Variants in EXOC2 observed in about 807,000 individuals in gnomAD.
EXOC2 encodes SEC5-like 1.
In EXOC2, 70 loss-of-function variants were observed where a neutral mutation model predicts 131.8. That is an observed-to-expected ratio of 0.53 (90% CI 0.44 to 0.65). The LOEUF is 0.65. EXOC2 is among the 30% of genes least tolerant of loss of function. The pLI, the probability that EXOC2 is intolerant of heterozygous loss-of-function variation, is 0.00. For synonymous variants in EXOC2, 411 were observed against 398.4 expected (o/e 1.03, Z -0.38); for missense variants, 923 against 1,108.6 (o/e 0.83, Z 2.38).
intron 23 of EXOC2, among the ~76,000 whole-genome samples, chr6:502,604 C>T (rs913289620): frequency 6.6e-6 from 1 of 151,866 alleles, no homozygotes; most frequent in Non-Finnish European, 1.5e-5. Flanking sequence ...GAAGACAAAG[C>T]TATGAATGGG....
At chr6:560,979 A>G (rs1481379581) in intron 17 of EXOC2, among the ~76,000 whole-genome samples, 1 of 152,166 alleles carries the variant, frequency 6.6e-6, no homozygotes, top group Non-Finnish European at 1.5e-5. Flanking sequence ...AAGTGCTGGG[A>G]TTACAGGCAT....
At chr6:612,858 C>T (rs1760784990) in intron 6 of EXOC2, among the ~76,000 whole-genome samples, 1 of 152,170 alleles carries the variant, frequency 6.6e-6, no homozygotes, top group Non-Finnish European at 1.5e-5. Flanking sequence ...ACAGTTTTGA[C>T]CCACAGTTGT....
chr6:507,320 AAG>A (rs1280791563), intron 23 of EXOC2, among the ~76,000 whole-genome samples: 1 of 60,352 alleles, frequency 1.7e-5, no homozygotes, highest in African/African-American at 5.9e-5. Flanking sequence ...CACACACACA[AAG>A]AAGTGACCCC....
At chr6:621,499 T>C (rs565194455) in intron 4 of EXOC2, among the ~76,000 whole-genome samples, 2 of 152,330 alleles carry the variant, frequency 1.3e-5, no homozygotes, top group South Asian at 2.1e-4. Context: ...TGCGTGAGCA[T>C]CTCAGCCAGG....
intron 19 of EXOC2, among the ~76,000 whole-genome samples, chr6:555,690 C>T (rs1490930469): frequency 2.6e-5 from 4 of 151,888 alleles, no homozygotes; most frequent in South Asian, 2.1e-4. Context: ...ACGTTGTGCT[C>T]GAACAGAATA....
chr6:557,998 G>C (rs1409733693), intron 17 of EXOC2, among the ~76,000 whole-genome samples: 3 of 152,022 alleles, frequency 2.0e-5, no homozygotes, highest in Non-Finnish European at 4.4e-5. Flanking sequence ...TGAGAGATGG[G>C]GTAGGCGGCC....
At chr6:648,362 A>G (rs1040005844) in intron 1 of EXOC2, among the ~76,000 whole-genome samples, 3 of 152,204 alleles carry the variant, frequency 2.0e-5, no homozygotes, top group African/African-American at 7.2e-5. Flanking sequence ...CTAAGGCTTT[A>G]AGGAAACAGA....
chr6:656,951 A>C, intron 1 of EXOC2: 1 of 1,513,040 alleles, frequency 6.6e-7, no homozygotes, highest in Non-Finnish European at 8.9e-7. Flanking sequence ...TCATGATGCC[A>C]CAGGGAAGGC....
chr6:597,689 C>T (rs1398952865), intron 10 of EXOC2, among the ~76,000 whole-genome samples: 2 of 152,148 alleles, frequency 1.3e-5, no homozygotes, highest in East Asian at 3.9e-4. Context: ...GCAGGGAGCC[C>T]CTCCTTCACA....
At chr6:588,608 C>T (rs1759348963) in intron 11 of EXOC2, among the ~76,000 whole-genome samples, 1 of 152,270 alleles carries the variant, frequency 6.6e-6, no homozygotes, top group South Asian at 2.1e-4. Context: ...CCGCCTCGGC[C>T]TCCCAAAGTG....
At chr6:544,344 T>A (rs1756715432) in intron 22 of EXOC2, among the ~76,000 whole-genome samples, 1 of 152,196 alleles carries the variant, frequency 6.6e-6, no homozygotes, top group Admixed American at 6.5e-5. Flanking sequence ...GGTATCTCTC[T>A]AAGTATGTAT....
intron 2 of EXOC2, among the ~76,000 whole-genome samples, chr6:636,394 T>G (rs553230445): frequency 1.3e-5 from 2 of 152,358 alleles, no homozygotes; most frequent in African/African-American, 4.8e-5. Flanking sequence ...TTCTCCCGAC[T>G]GTAACCTTTG....
At chr6:585,212 G>A (rs1424956022) in intron 11 of EXOC2, among the ~76,000 whole-genome samples, 1 of 152,222 alleles carries the variant, frequency 6.6e-6, no homozygotes, top group East Asian at 1.9e-4. Flanking sequence ...GTTTCAAGAT[G>A]AGTTTTTAAA....
At position 686,834 on chromosome 6, in the gene EXOC2, T is replaced by G. The variant is rs543494358; in HGVS notation, c.-44+6185A>C. Among the ~76,000 whole-genome samples, 11 of 152,276 alleles carry G rather than the reference T, an allele frequency of 7.2e-5. 1 individual carries two copies. In the South Asian group the frequency reaches 2.3e-3, roughly 32 times the overall value. ...ACTTCCAACCGATGCCACTGGACAT[T>G]GATGACATGTCAAAAATGAACCAGG... is the stretch of plus-strand genomic sequence containing the variant. On this transcript the variant is annotated intron_variant, in intron 1 of 27. Coordinates refer to ENST00000230449, the MANE Select transcript of EXOC2 (RefSeq NM_018303.6).
intron 9 of EXOC2, among the ~76,000 whole-genome samples, chr6:598,658 C>T (rs998925646): frequency 1.5e-4 from 23 of 152,190 alleles, no homozygotes; most frequent in Non-Finnish European, 2.6e-4. Context: ...AGGCGAACAA[C>T]CTAGAGTCGT....
intron 1 of EXOC2, among the ~76,000 whole-genome samples, chr6:666,378 A>AGCCAG (rs1319559093): frequency 3.2e-5 from 1 of 30,832 alleles, no homozygotes; most frequent in Non-Finnish European, 9.9e-5. Flanking sequence ...AATTGAGCAA[A>AGCCAG]TGATTCAAAT....
intron 1 of EXOC2, among the ~76,000 whole-genome samples, chr6:681,124 G>A (rs1764385716): frequency 6.6e-6 from 1 of 152,168 alleles, no homozygotes; most frequent in Admixed American, 6.5e-5. Context: ...AATAAATCTG[G>A]TCACAAGAGC....
At chr6:686,512 T>C (rs1354946127) in intron 1 of EXOC2, among the ~76,000 whole-genome samples, 1 of 152,168 alleles carries the variant, frequency 6.6e-6, no homozygotes. Context: ...GGGACGAGAA[T>C]GTGCATGAGA....
intron 1 of EXOC2, among the ~76,000 whole-genome samples, chr6:645,520 A>G (rs1762540422): frequency 6.6e-6 from 1 of 152,240 alleles, no homozygotes; most frequent in Non-Finnish European, 1.5e-5. Context: ...CACAATAGAT[A>G]CAAATGACAA....
Sources: gnomAD v4.1 joint callset for allele counts (sites outside exome capture counted in the v4.1 genomes callset) on GRCh38, gnomAD v4.1.1 for gene constraint, MANE v1.5 for transcripts, NCBI Gene and HGNC (gene_info 2026-07-23, HGNC 2026-07-21) for gene names.